ADAM12: variants seen among roughly 807,000 people sequenced by gnomAD.
The protein encoded by ADAM12 is ADAM metallopeptidase domain 12.
A neutral mutation model predicts 106.4 loss-of-function variants in ADAM12; 70 were observed. That is an observed-to-expected ratio of 0.66 (90% CI 0.54 to 0.80). The LOEUF is 0.80. Among genes scored for constraint, ADAM12 ranks in the 30% least tolerant of loss-of-function variants. The pLI is 0.00. For missense variants in ADAM12, 1,010 were observed against 1,171.9 expected, an observed-to-expected ratio of 0.86 and a Z score of 2.02; for synonymous variants, 420 against 433.5, an observed-to-expected ratio of 0.97 and a Z score of 0.39.
intron 1 of ADAM12, among the ~76,000 whole-genome samples, chr10:126,333,654 T>C (rs767877949): frequency 1.3e-5 from 2 of 152,100 alleles, no homozygotes; most frequent in Non-Finnish European, 2.9e-5. Context: ...GTAAAGAACA[T>C]CCTCCATCCT....
chr10:126,017,356 GAAAA>G lies in ADAM12; in HGVS notation c.2661-21_2661-18del. On this transcript the variant is annotated intron_variant, in intron 22 of 22. Transcript: ENST00000448723. ...GGAGCAGGTCTGAATGAAGAGAGGA[GAAAA>G]AAAAATGATCAGAGACCTTGAGAAG... is the stretch of plus-strand genomic sequence containing the variant. The G allele has an allele frequency of 4.5e-6, 7 of 1,543,156 alleles. No individual in the cohort carries two copies. Among genetic ancestry groups the G allele is most frequent in the Non-Finnish European group, 6.1e-6 (7 of 1,139,888 alleles).
intron 1 of ADAM12, among the ~76,000 whole-genome samples, chr10:126,382,193 T>C (rs554584483): frequency 3.3e-5 from 5 of 152,204 alleles, no homozygotes; most frequent in African/African-American, 9.6e-5. Context: ...GGGCACTGTA[T>C]GGGCCAAGGC....
intron 4 of ADAM12, among the ~76,000 whole-genome samples, chr10:126,149,892 G>A (rs1403180239): frequency 2.6e-5 from 4 of 152,124 alleles, no homozygotes; most frequent in Non-Finnish European, 4.4e-5. Flanking sequence ...GCCTTACCTT[G>A]TGATCGTGTG....
chr10:126,272,527 T>G (rs1959183352), intron 3 of ADAM12, among the ~76,000 whole-genome samples: 1 of 152,194 alleles, frequency 6.6e-6, no homozygotes, highest in South Asian at 2.1e-4. Flanking sequence ...AATAAGATAT[T>G]AATAAAGATT....
At chr10:126,357,630 C>A (rs1855587488) in intron 1 of ADAM12, among the ~76,000 whole-genome samples, 1 of 152,122 alleles carries the variant, frequency 6.6e-6, no homozygotes, top group South Asian at 2.1e-4. Context: ...AACTTATGAT[C>A]ATAGCAGAAG....
Position 126,050,822 on chromosome 10 carries a change from G to A in ADAM12, c.1610-1153C>T, listed in dbSNP as rs149517245. On this transcript the variant is annotated intron_variant, in intron 14 of 22. Transcript: ENST00000448723. ...ATTTGATGTGAACAGTGTGCTCAGC[G>A]CTCCAATCTCTGCAATGAGCCAGCC... Among the ~76,000 whole-genome samples the A allele has an allele frequency of 7.3e-3, 1,111 of 152,236 alleles. 12 individuals carry two copies. The highest frequency in any genetic ancestry group is 0.026 in the African/African-American group (1,059 of 41,520).
intron 2 of ADAM12, among the ~76,000 whole-genome samples, chr10:126,289,433 C>T (rs948778356): frequency 6.6e-6 from 1 of 152,256 alleles, no homozygotes; most frequent in African/African-American, 2.4e-5. Context: ...TGCCTGGCAT[C>T]CACATCCACG....
intron 3 of ADAM12, among the ~76,000 whole-genome samples, chr10:126,242,005 T>C (rs1958535263): frequency 6.6e-6 from 1 of 151,046 alleles, no homozygotes; most frequent in Admixed American, 6.6e-5. Flanking sequence ...TCTCCTGACA[T>C]ACATGTTTGG....
chr10:126,388,288 C>T lies in ADAM12; in HGVS notation c.-143G>A. ...TCAGCTCCGGAGCCCTCGCGCAGCG[C>T]CCGCGCCGCCGCTGAGCTCTTCTAG... On this transcript the variant is annotated 5_prime_UTR_variant, in exon 1 of 23. Coordinates refer to ENST00000448723, the MANE Select transcript of ADAM12 (RefSeq NM_001288973.2). The surrounding 1 kb of genome is among the most constrained non-coding windows in gnomAD (Gnocchi z 4.4). The T allele has an allele frequency of 8.9e-7, 1 of 1,125,580 alleles. No individual in the cohort carries two copies. Among genetic ancestry groups the T allele is most frequent in the Non-Finnish European group, 1.1e-6 (1 of 905,316 alleles). 69.7% of individuals were successfully genotyped at this position (1,125,580 alleles called of 1,614,324 possible).
chr10:126,356,132 A>G (rs1220832181), intron 1 of ADAM12, among the ~76,000 whole-genome samples: 1 of 152,208 alleles, frequency 6.6e-6, no homozygotes, highest in African/African-American at 2.4e-5. Context: ...TCAAGCATAC[A>G]TTTCTACTGA....
Position 126,026,470 on chromosome 10 carries a change from TC to T in ADAM12, c.2530-6646del, listed in dbSNP as rs1953875283. Reference sequence around the variant, plus strand: ...AGAACTGTCCACCCAAAACCAACAATCTACATTCTTATTACTACACAGCACT... The same window carrying T: ...AGAACTGTCCACCCAAAACCAACAATTACATTCTTATTACTACACAGCACT... On this transcript the variant is annotated intron_variant, in intron 21 of 22. Coordinates refer to ENST00000448723, the MANE Select transcript of ADAM12 (RefSeq NM_001288973.2). Among the ~76,000 whole-genome samples the T allele has an allele frequency of 1.3e-5, 2 of 152,102 alleles. 1 individual carries two copies. The highest frequency in any genetic ancestry group is 4.1e-4 in the South Asian group (2 of 4,826).
intron 6 of ADAM12, among the ~76,000 whole-genome samples, chr10:126,114,387 C>G (rs906082538): frequency 6.6e-6 from 1 of 152,180 alleles, no homozygotes; most frequent in Non-Finnish European, 1.5e-5. Context: ...GAATCCACAC[C>G]TGGAAAACTG....
At chr10:126,162,791 C>T (rs912722763) in intron 3 of ADAM12, among the ~76,000 whole-genome samples, 1 of 152,090 alleles carries the variant, frequency 6.6e-6, no homozygotes, top group Non-Finnish European at 1.5e-5. Context: ...ATGGGTCACT[C>T]ATAAAGGAGA....
At chr10:126,114,706 C>T (rs1257982298) in intron 6 of ADAM12, among the ~76,000 whole-genome samples, 4 of 152,202 alleles carry the variant, frequency 2.6e-5, no homozygotes, top group African/African-American at 9.7e-5. Flanking sequence ...TCTTGAACTC[C>T]TGACCTCAGG....
At chr10:126,121,968 A>G (rs1956123863) in intron 5 of ADAM12, among the ~76,000 whole-genome samples, 1 of 152,234 alleles carries the variant, frequency 6.6e-6, no homozygotes, top group Non-Finnish European at 1.5e-5. Flanking sequence ...GTCATGGGCA[A>G]TGGGAGAAAC....
In ADAM12 at chr10:126,202,519, C is replaced by G. The variant is rs1039658301; in HGVS notation, c.261-47214G>C. Reference sequence around the variant, plus strand: ...ACTACTTCTCTCTCTCTCTCTCTCTCTCTTTAACCAGAAGAAGATAAAGGT... The same window carrying G: ...ACTACTTCTCTCTCTCTCTCTCTCTGTCTTTAACCAGAAGAAGATAAAGGT... On this transcript the variant is annotated intron_variant, in intron 3 of 22. Transcript: ENST00000448723. Among the ~76,000 whole-genome samples the G allele has an allele frequency of 3.9e-5, 6 of 152,232 alleles. No individual in the cohort carries two copies. In the East Asian group the frequency reaches 9.7e-4, roughly 24 times the overall value.
At position 126,049,455 on chromosome 10, in the gene ADAM12, G is replaced by GATGCT; in HGVS notation, c.1719-5_1719-4insAGCAT. 6.2e-7 allele frequency: 1 copy of GATGCT among 1,614,154 alleles called. No individual in the cohort carries two copies. The highest frequency in any genetic ancestry group is 2.2e-5 in the East Asian group (1 of 44,878). On this transcript the variant is annotated splice_region_variant and splice_polypyrimidine_tract_variant and intron_variant, in intron 15 of 22. Coordinates refer to ENST00000448723, the MANE Select transcript of ADAM12 (RefSeq NM_001288973.2). This position sits in a 1 kb window ranked among gnomAD's most constrained non-coding sequence, Gnocchi z 4.4. Reference sequence around the variant, plus strand: ...GATTTTTCCACATTTAGCATCTCTGGAAGGGTAAGAACAAACAATTCCCAA... The same window carrying GATGCT: ...GATTTTTCCACATTTAGCATCTCTGGATGCTAAGGGTAAGAACAAACAATTCCCAA...
chr10:126,290,092 G>A (rs1329486727), intron 2 of ADAM12, among the ~76,000 whole-genome samples: 1 of 152,168 alleles, frequency 6.6e-6, no homozygotes, highest in African/African-American at 2.4e-5. Context: ...TGTGACAAGA[G>A]GGCTTGACCC....
At chr10:126,182,880 G>A (rs1020385516) in intron 3 of ADAM12, among the ~76,000 whole-genome samples, 3 of 152,190 alleles carry the variant, frequency 2.0e-5, no homozygotes, top group Admixed American at 2.0e-4. Flanking sequence ...ACTAGAACAG[G>A]GGTCCCAAAC....
Sources: allele counts gnomAD v4.1 joint callset (sites outside exome capture counted in the v4.1 genomes callset), GRCh38; gene constraint gnomAD v4.1.1; non-coding constraint Gnocchi (gnomAD v3.1); transcripts MANE v1.5; gene names NCBI Gene and HGNC (gene_info 2026-07-23, HGNC 2026-07-21).